Variants in C2CD5 observed in about 807,000 individuals in gnomAD.
C2CD5 encodes C2 calcium dependent domain containing 5.
In C2CD5, 109 loss-of-function variants were observed where a neutral mutation model predicts 130.3. The observed-to-expected ratio is 0.84, with a 90% CI of 0.72 to 0.98. C2CD5 has a LOEUF of 0.98. C2CD5 is among the 50% of genes least tolerant of loss of function. The probability of loss-of-function intolerance (pLI) is 0.00; values close to 1 mark genes in which losing one functional copy is unlikely to be tolerated. For missense variants in C2CD5, 996 were observed against 1,261.8 expected, an observed-to-expected ratio of 0.79 and a Z score of 3.19; for synonymous variants, 454 against 429.2, an observed-to-expected ratio of 1.06 and a Z score of -0.71.
intron 10 of C2CD5, among the ~76,000 whole-genome samples, chr12:22,505,202 T>A (rs1281577721): frequency 1.3e-5 from 2 of 151,996 alleles, no homozygotes; most frequent in East Asian, 3.8e-4. Context: ...ATAGTCATTA[T>A]CTACAATATT....
chr12:22,523,355 C>T, intron 7 of C2CD5, 71 bp downstream of exon 7: 2 of 1,258,604 alleles, frequency 1.6e-6, no homozygotes, highest in Non-Finnish European at 2.3e-6. Context: ...TAAAATGTTT[C>T]AAATCAAATG....
At chr12:22,503,810 TC>T (rs1948120788) in intron 10 of C2CD5, among the ~76,000 whole-genome samples, 1 of 152,120 alleles carries the variant, frequency 6.6e-6, no homozygotes, top group Non-Finnish European at 1.5e-5. Context: ...CCGTGCCCAG[TC>T]AGAATGTGAT....
chr12:22,472,408 G>A, intron 17 of C2CD5, 61 bp from the exon 18 acceptor site: 1 of 909,244 alleles, frequency 1.1e-6, no homozygotes, highest in East Asian at 2.7e-5. Context: ...TGTGTTAAAT[G>A]ACATTTTTCA....
At chr12:22,459,432 G>T in intron 23 of C2CD5, 60 bp downstream of exon 23, 2 of 1,049,680 alleles carry the variant, frequency 1.9e-6, no homozygotes, top group Non-Finnish European at 2.8e-6. Context: ...ATAATTTTAT[G>T]CACCACCAAA....
intron 12 of C2CD5, among the ~76,000 whole-genome samples, chr12:22,486,205 C>A (rs77344666): frequency 7.2e-5 from 10 of 139,412 alleles, no homozygotes; most frequent in African/African-American, 2.7e-4. Flanking sequence ...AAAAAAAAAA[C>A]ACTGCAAAGC....
intron 22 of C2CD5, among the ~76,000 whole-genome samples, chr12:22,468,145 C>A (rs1942413794): frequency 6.7e-6 from 1 of 148,360 alleles, no homozygotes; most frequent in Non-Finnish European, 1.5e-5. Context: ...TTGGAACTAA[C>A]CCTGAATAAA....
chr12:22,513,782 T>C (rs1399771277), intron 8 of C2CD5, among the ~76,000 whole-genome samples: 2 of 152,098 alleles, frequency 1.3e-5, no homozygotes, highest in African/African-American at 4.8e-5. Flanking sequence ...AATGTAAATA[T>C]AGAGACAAAA....
At chr12:22,517,441 A>G (rs1260972609) in intron 8 of C2CD5, among the ~76,000 whole-genome samples, 1 of 152,052 alleles carries the variant, frequency 6.6e-6, no homozygotes, top group Non-Finnish European at 1.5e-5. Flanking sequence ...TACAAATTTA[A>G]TGAACAGAAA....
intron 13 of C2CD5, chr12:22,484,486 G>C (rs535274129): frequency 1.5e-4 from 61 of 394,098 alleles, no homozygotes; most frequent in Non-Finnish European, 2.4e-4. Flanking sequence ...AGAATTTAAA[G>C]TTAAAAACTG....
intron 10 of C2CD5, 58 bp downstream of exon 10, chr12:22,506,653 T>C (rs1948575476): frequency 2.0e-6 from 2 of 1,004,344 alleles, no homozygotes; most frequent in South Asian, 2.9e-5. Context: ...ATCATAAAAA[T>C]CAATTTTAAT....
At chr12:22,508,908 C>G (rs1197273500) in intron 9 of C2CD5, among the ~76,000 whole-genome samples, 5 of 145,798 alleles carry the variant, frequency 3.4e-5, no homozygotes, top group African/African-American at 1.3e-4. Flanking sequence ...CTCGCTCTGT[C>G]GCCCAGGCCA....
intron 2 of C2CD5, among the ~76,000 whole-genome samples, chr12:22,543,593 G>A (rs1952621433): frequency 6.6e-6 from 1 of 152,152 alleles, no homozygotes; most frequent in East Asian, 1.9e-4. Flanking sequence ...CCCTTCCAAG[G>A]GTGTGTGTGT....
chr12:22,530,456 C>G (rs1423555532), intron 3 of C2CD5, among the ~76,000 whole-genome samples: 2 of 151,130 alleles, frequency 1.3e-5, no homozygotes, highest in African/African-American at 4.9e-5. Flanking sequence ...CAGTAACTTA[C>G]TAAATTTTTT....
intron 12 of C2CD5, among the ~76,000 whole-genome samples, chr12:22,488,623 G>T (rs1484602235): frequency 6.6e-6 from 1 of 151,858 alleles, no homozygotes; most frequent in Non-Finnish European, 1.5e-5. Flanking sequence ...TTGTATCACT[G>T]GTACAACTCA....
At chr12:22,542,388 A>G (rs1235869496) in intron 2 of C2CD5, among the ~76,000 whole-genome samples, 1 of 152,200 alleles carries the variant, frequency 6.6e-6, no homozygotes, top group Non-Finnish European at 1.5e-5. Flanking sequence ...CGCTCCTTAT[A>G]AATATTACAG....
intron 7 of C2CD5, among the ~76,000 whole-genome samples, chr12:22,519,464 TATTA>T (rs748372287): frequency 2.6e-5 from 4 of 152,070 alleles, no homozygotes; most frequent in Admixed American, 6.5e-5. Context: ...GTGATTAATT[TATTA>T]ATTGTGAATA....
chr12:22,504,768 G>A (rs1480461421), intron 10 of C2CD5, among the ~76,000 whole-genome samples: 2 of 152,168 alleles, frequency 1.3e-5, no homozygotes, highest in African/African-American at 4.8e-5. Context: ...GTGATGTCAG[G>A]TATTTTAACT....
chr12:22,474,965 T>C (rs1943629392), intron 15 of C2CD5, 74 bp from the exon 16 acceptor site: 1 of 956,908 alleles, frequency 1.0e-6, no homozygotes, highest in Admixed American at 2.8e-5. Flanking sequence ...TTTATATTAG[T>C]AGACACCTAC....
rs547602162 is a variant in C2CD5 at position 22,455,746 on chromosome 12, G to A, written c.2877+1225C>T. 2.0e-5 allele frequency among the ~76,000 whole-genome samples: 3 copies of A among 152,172 alleles called. 1 individual carries two copies. The highest frequency in any genetic ancestry group is 6.6e-5 in the Admixed American group (1 of 15,266). Reference sequence around the variant, plus strand: ...GTCACCCAGGCTGGAGTGCAATGGCGCAATCTCGGCTCACTGCAACCTCCA... The same window carrying A: ...GTCACCCAGGCTGGAGTGCAATGGCACAATCTCGGCTCACTGCAACCTCCA... On this transcript the variant is annotated intron_variant, in intron 25 of 26. Transcript: ENST00000446597.
Sources: allele counts gnomAD v4.1 joint callset (sites outside exome capture counted in the v4.1 genomes callset), GRCh38; gene constraint gnomAD v4.1.1; transcripts MANE v1.5; gene names NCBI Gene and HGNC (gene_info 2026-07-23, HGNC 2026-07-21).